SAMD3: variants seen among roughly 807,000 people sequenced by gnomAD.
SAMD3 encodes sterile alpha motif domain containing 3.
In SAMD3, 63 loss-of-function variants were observed where a neutral mutation model predicts 58.5. That is an observed-to-expected ratio of 1.08 (90% CI 0.88 to 1.33). SAMD3 has a LOEUF of 1.33. Among genes scored for constraint, SAMD3 ranks in the 40% most tolerant of loss-of-function variants. SAMD3 has a pLI of 0.00. For synonymous variants in SAMD3, 220 were observed against 210.3 expected, an observed-to-expected ratio of 1.05 and a Z score of -0.40; for missense variants, 604 against 608.4, an observed-to-expected ratio of 0.99 and a Z score of 0.08.
intron 1 of SAMD3, among the ~76,000 whole-genome samples, chr6:130,315,506 A>G (rs2114993708): frequency 6.6e-6 from 1 of 152,266 alleles, no homozygotes; most frequent in South Asian, 2.1e-4. Flanking sequence ...GAAGGCTATG[A>G]GGATTTATGG....
At chr6:130,320,407 A>T (rs888301034) in intron 1 of SAMD3, among the ~76,000 whole-genome samples, 2 of 152,176 alleles carry the variant, frequency 1.3e-5, no homozygotes, top group African/African-American at 4.8e-5. Context: ...GTTGGGGGAG[A>T]ATGTGGAGCA....
chr6:130,277,233 A>G (rs1348230230), intron 2 of SAMD3, among the ~76,000 whole-genome samples: 1 of 152,202 alleles, frequency 6.6e-6, no homozygotes, highest in Admixed American at 6.5e-5. Context: ...AGTTTTACAC[A>G]GACAGTTTCA....
chr6:130,359,934 T>C (rs1583155030), intron 1 of SAMD3, among the ~76,000 whole-genome samples: 1 of 152,316 alleles, frequency 6.6e-6, no homozygotes, highest in South Asian at 2.1e-4. Flanking sequence ...AAATAAGTAC[T>C]GAACTAGGAA....
chr6:130,187,327 C>A (rs750150117), intron 5 of SAMD3, among the ~76,000 whole-genome samples: 36 of 150,724 alleles, frequency 2.4e-4, no homozygotes, highest in Non-Finnish European at 3.8e-4. Context: ...TTTTCAGTGT[C>A]GGGGCGGAGA....
chr6:130,226,940 A>G (rs1232727754), upstream of SAMD3, among the ~76,000 whole-genome samples: 1 of 152,250 alleles, frequency 6.6e-6, no homozygotes. Context: ...TATTTTTTAC[A>G]TTTAAATAAA....
chr6:130,154,892 ATCTT>A lies in SAMD3; in HGVS notation c.952_955del (p.Lys318Ter), dbSNP rs749164068. The A allele has an allele frequency of 1.9e-6, 3 of 1,613,538 alleles. No individual in the cohort carries two copies. Among genetic ancestry groups the A allele is most frequent in the Non-Finnish European group, 1.7e-6 (2 of 1,179,806 alleles). ...CTTCAGAGGTGTTCGGCTGCCAATC[ATCTT>A]TCTTCTTATTTCCAAAGTTTGGCTC... On this transcript the variant is annotated frameshift_variant, in exon 9 of 12. Coordinates refer to ENST00000439090, the MANE Select transcript of SAMD3 (RefSeq NM_001017373.4). LOFTEE classifies it high-confidence loss of function.
At chr6:130,202,903 A>G (rs933291564) in intron 5 of SAMD3, among the ~76,000 whole-genome samples, 1 of 125,980 alleles carries the variant, frequency 7.9e-6, no homozygotes, top group African/African-American at 3.0e-5. Flanking sequence ...GTGGTCTTTG[A>G]TGCCCCCCCT....
At chr6:130,233,242 C>T (rs1796595085) in intron 2 of SAMD3, among the ~76,000 whole-genome samples, 1 of 152,140 alleles carries the variant, frequency 6.6e-6, no homozygotes, top group South Asian at 2.1e-4. Flanking sequence ...CATTTAAGTG[C>T]TGTACTTATG....
intron 2 of SAMD3, among the ~76,000 whole-genome samples, chr6:130,231,573 A>G (rs906420331): frequency 1.3e-5 from 2 of 152,120 alleles, no homozygotes; most frequent in Non-Finnish European, 2.9e-5. Flanking sequence ...TCAAAAAAAA[A>G]TAAAAATAAA....
chr6:130,181,441 C>T (rs925470584), intron 7 of SAMD3, among the ~76,000 whole-genome samples: 1 of 152,274 alleles, frequency 6.6e-6, no homozygotes, highest in South Asian at 2.1e-4. Context: ...ATCCAGGCAC[C>T]AGAGTTTCTC....
intron 7 of SAMD3, among the ~76,000 whole-genome samples, chr6:130,181,311 C>A (rs1288873324): frequency 6.6e-6 from 1 of 152,026 alleles, no homozygotes; most frequent in Non-Finnish European, 1.5e-5. Flanking sequence ...GTTTGTGCAC[C>A]CTTTTTCTTT....
intron 1 of SAMD3, among the ~76,000 whole-genome samples, chr6:130,325,342 A>G (rs1776722428): frequency 6.6e-6 from 1 of 151,998 alleles, no homozygotes; most frequent in Admixed American, 6.6e-5. Context: ...CCTGCTGCAA[A>G]CTCCAGAGTC....
chr6:130,241,845 C>A (rs1444597581), intron 2 of SAMD3, among the ~76,000 whole-genome samples: 3 of 151,722 alleles, frequency 2.0e-5, no homozygotes, highest in Admixed American at 6.6e-5. Context: ...TGAAAGAGGG[C>A]ATACCTGGGA....
upstream of SAMD3, among the ~76,000 whole-genome samples, chr6:130,224,883 G>A (rs1796345126): frequency 6.6e-6 from 1 of 151,964 alleles, no homozygotes; most frequent in African/African-American, 2.4e-5. Context: ...CTCCTAAAGT[G>A]CTGAGATTAC....
chr6:130,195,313 C>T (rs962516207), intron 5 of SAMD3, among the ~76,000 whole-genome samples: 8 of 152,146 alleles, frequency 5.3e-5, no homozygotes, highest in Non-Finnish European at 1.0e-4. Context: ...TCACCTTTGC[C>T]CTGCTCAATG....
intron 2 of SAMD3, among the ~76,000 whole-genome samples, chr6:130,299,814 C>T (rs1330409951): frequency 2.0e-5 from 3 of 152,118 alleles, no homozygotes; most frequent in African/African-American, 7.2e-5. Flanking sequence ...AAAAGATCCT[C>T]AGAGACTACT....
At chr6:130,148,715 T>TA (rs1259118736) in intron 9 of SAMD3, among the ~76,000 whole-genome samples, 29 of 151,996 alleles carry the variant, frequency 1.9e-4, no homozygotes, top group Non-Finnish European at 4.4e-5. Flanking sequence ...CTACAAAAAA[T>TA]ACAAAAATTT....
chr6:130,201,584 A>C (rs1794657597), intron 5 of SAMD3, among the ~76,000 whole-genome samples: 1 of 152,244 alleles, frequency 6.6e-6, no homozygotes, highest in South Asian at 2.1e-4. Flanking sequence ...TTTAATGTGC[A>C]AAGTTAAGAG....
At position 130,144,636 on chromosome 6, in the gene SAMD3, T is replaced by C. The variant is rs766207441; in HGVS notation, c.1447A>G (p.Arg483Gly). 29 of 1,614,150 alleles carry C rather than the reference T, an allele frequency of 1.8e-5. No homozygotes were observed. Among genetic ancestry groups the C allele is most frequent in the Non-Finnish European group, 2.5e-5 (29 of 1,180,004 alleles). ...AGGAAGTTGAAAGTTTGGGACAGTC[T>C]TCTTGGACACTCAATCCTAAATACA... ...FHVFRIECPRRLSQTFNFLET... is the reference protein window; with the variant it reads ...FHVFRIECPRGLSQTFNFLET... The change falls in exon 12 of 12, where the codon AGA becomes GGA. Residue 483 changes from arginine to glycine, a missense_variant. Coordinates refer to ENST00000439090, the MANE Select transcript of SAMD3 (RefSeq NM_001017373.4).
Sources: allele counts gnomAD v4.1 joint callset (sites outside exome capture counted in the v4.1 genomes callset), GRCh38; gene constraint gnomAD v4.1.1; transcripts MANE v1.5; gene names NCBI Gene and HGNC (gene_info 2026-07-23, HGNC 2026-07-21).